Variants in COLGALT2 observed in about 807,000 individuals in gnomAD.
COLGALT2 encodes collagen beta(1-O)galactosyltransferase 2.
Under a neutral mutation model 73.4 loss-of-function variants are expected in COLGALT2, and 49 were observed. The observed-to-expected ratio is 0.67, with a 90% CI of 0.53 to 0.85. The LOEUF is 0.85. Among genes scored for constraint, COLGALT2 ranks in the 40% least tolerant of loss-of-function variants. The probability of loss-of-function intolerance (pLI) is 0.00; values close to 1 mark genes in which losing one functional copy is unlikely to be tolerated. For missense variants in COLGALT2, 722 were observed against 790.2 expected (o/e 0.91, Z 1.03); for synonymous variants, 295 against 307.6 (o/e 0.96, Z 0.43).
intron 9 of COLGALT2, among the ~76,000 whole-genome samples, chr1:183,945,198 C>T (rs1446528963): frequency 6.6e-6 from 1 of 152,124 alleles, no homozygotes; most frequent in Non-Finnish European, 1.5e-5. Flanking sequence ...AAGAGTGTGG[C>T]ACACAGGACA....
In COLGALT2 at chr1:183,936,138, C is replaced by T. The variant is rs1669946335; in HGVS notation, c.*2623G>A. On this transcript the variant is annotated 3_prime_UTR_variant, in exon 12 of 12. Transcript: ENST00000361927. ...AGAAATCCAGACAGGGTTTAGCCTCCAGAGGCAGAGAGCGGGTGCCAGGCC... is the reference window on the plus strand; with the variant it reads ...AGAAATCCAGACAGGGTTTAGCCTCTAGAGGCAGAGAGCGGGTGCCAGGCC... 2 of 985,662 alleles carry T rather than the reference C, an allele frequency of 2.0e-6. No homozygotes were observed. Among genetic ancestry groups the T allele is most frequent in the Middle Eastern group, 5.2e-4 (1 of 1,918 alleles). The allele number at this position is 985,662 out of a possible 1,614,324, so 61.1% of individuals were successfully genotyped here.
intron 2 of COLGALT2, among the ~76,000 whole-genome samples, chr1:183,977,193 C>T (rs1388581101): frequency 1.3e-5 from 2 of 151,950 alleles, no homozygotes; most frequent in Non-Finnish European, 2.9e-5. Context: ...CTATGGTGGC[C>T]GGGCACGGTG....
chr1:183,933,992 C>T (rs1669898052), downstream of COLGALT2, among the ~76,000 whole-genome samples: 1 of 152,152 alleles, frequency 6.6e-6, no homozygotes, highest in South Asian at 2.1e-4. Context: ...GTCACAGAGG[C>T]TACTGAACAA....
chr1:183,979,255 C>G (rs1361771380), intron 1 of COLGALT2, among the ~76,000 whole-genome samples: 1 of 151,890 alleles, frequency 6.6e-6, no homozygotes, highest in African/African-American at 2.4e-5. Context: ...CAAAGCAAAA[C>G]CCAACACATG....
intron 1 of COLGALT2, among the ~76,000 whole-genome samples, chr1:184,027,168 C>T (rs2102859300): frequency 6.6e-6 from 1 of 152,266 alleles, no homozygotes; most frequent in African/African-American, 2.4e-5. Context: ...CTGTACATTA[C>T]TACTTCTCTT....
intron 7 of COLGALT2, among the ~76,000 whole-genome samples, chr1:183,953,387 A>C (rs1670464387): frequency 6.6e-6 from 1 of 152,178 alleles, no homozygotes; most frequent in African/African-American, 2.4e-5. Flanking sequence ...GAAGGGCTCT[A>C]GGAGTGACCC....
At chr1:183,961,923 T>C (rs1428100451) in intron 6 of COLGALT2, among the ~76,000 whole-genome samples, 1 of 152,124 alleles carries the variant, frequency 6.6e-6, no homozygotes, top group African/African-American at 2.4e-5. Context: ...ACTGTCACAG[T>C]GAACCAGCTC....
chr1:184,005,317 G>A (rs560551819), intron 1 of COLGALT2, among the ~76,000 whole-genome samples: 22 of 152,316 alleles, frequency 1.4e-4, no homozygotes, highest in African/African-American at 5.3e-4. Flanking sequence ...CCTGGCAGAG[G>A]CTCCCTGACC....
chr1:183,958,613 A>T (rs1376669528), intron 6 of COLGALT2, among the ~76,000 whole-genome samples: 2 of 151,198 alleles, frequency 1.3e-5, no homozygotes, highest in Non-Finnish European at 2.9e-5. Context: ...AATTAGATCT[A>T]CCTTTTCAAT....
rs34480267 is a variant in COLGALT2, at chr1:184,000,146, C to T, written c.264-21626G>A. 2.6e-3 allele frequency among the ~76,000 whole-genome samples: 389 copies of T among 151,898 alleles called. 2 individuals carry two copies. Among genetic ancestry groups the T allele is most frequent in the Middle Eastern group, 0.02 (6 of 294 alleles). On this transcript the variant is annotated intron_variant, in intron 1 of 11. Transcript: ENST00000361927. The stretch of plus-strand genomic sequence containing the variant: ...TTTGAGTTATTTTGCTTTTGGTTTC[C>T]GTCTGGTTGTGATATATTCTGAGAA...
chr1:183,950,514 T>A (rs1670367957), intron 8 of COLGALT2, among the ~76,000 whole-genome samples: 1 of 151,020 alleles, frequency 6.6e-6, no homozygotes, highest in Non-Finnish European at 1.5e-5. Context: ...AGGTTCCCTG[T>A]GTTACTTTCC....
At chr1:183,948,764 A>G (rs1464347976) in intron 8 of COLGALT2, among the ~76,000 whole-genome samples, 1 of 152,210 alleles carries the variant, frequency 6.6e-6, no homozygotes, top group Admixed American at 6.5e-5. Context: ...CAGGTTTGAA[A>G]GGAACATATA....
intron 4 of COLGALT2, among the ~76,000 whole-genome samples, chr1:183,972,748 G>A (rs1280141988): frequency 6.6e-6 from 1 of 150,548 alleles, no homozygotes; most frequent in Non-Finnish European, 1.5e-5. Context: ...CACCCAGGCT[G>A]GAGCGCAGTG....
At chr1:183,967,562 T>C (rs1670913172) in intron 5 of COLGALT2, among the ~76,000 whole-genome samples, 1 of 152,220 alleles carries the variant, frequency 6.6e-6, no homozygotes, top group Non-Finnish European at 1.5e-5. Context: ...CCCATACCAA[T>C]ATCCAGGTAT....
In COLGALT2 at chr1:183,973,740, A is replaced by T; in HGVS notation, c.503T>A (p.Val168Asp). 6.2e-7 allele frequency: 1 copy of T among 1,613,582 alleles called. No homozygotes were observed. Among genetic ancestry groups the T allele is most frequent in the Non-Finnish European group, 8.5e-7 (1 of 1,179,712 alleles). ...KWSDYILFID[V>D]DNFLTNPQTL... ...CTGTGGATTAGTCAGGAAATTGTCA[A>T]CATCTATGAACTAGGAAAAGAAAAG... Residue 168 changes from valine to aspartate, a missense_variant, in exon 4 of 12, where the codon GTT becomes GAT. By Grantham distance (152) the Val-to-Asp change is radical. Coordinates refer to ENST00000361927, the MANE Select transcript of COLGALT2 (RefSeq NM_015101.4).
At chr1:184,000,813 T>G (rs576850327) in intron 1 of COLGALT2, among the ~76,000 whole-genome samples, 2 of 151,552 alleles carry the variant, frequency 1.3e-5, no homozygotes, top group East Asian at 4.0e-4. Context: ...GGACAGTGTA[T>G]TTCAGCCCCC....
At chr1:183,998,369 T>C (rs1671824562) in intron 1 of COLGALT2, among the ~76,000 whole-genome samples, 1 of 152,242 alleles carries the variant, frequency 6.6e-6, no homozygotes, top group Admixed American at 6.5e-5. Context: ...TTTTCTCTTT[T>C]ATTCATGAGT....
chr1:184,006,469 A>C (rs1296552885), intron 1 of COLGALT2, among the ~76,000 whole-genome samples: 1 of 152,080 alleles, frequency 6.6e-6, no homozygotes, highest in Non-Finnish European at 1.5e-5. Flanking sequence ...CTGTAATCCC[A>C]GCTACTTGGG....
At position 183,965,646 on chromosome 1, in the gene COLGALT2, G is replaced by A. The variant is rs533012958; in HGVS notation, c.833-1626C>T. 9.2e-5 allele frequency among the ~76,000 whole-genome samples: 14 copies of A among 152,286 alleles called. No homozygotes were observed. In the East Asian group the frequency reaches 9.6e-4, roughly 10 times the overall value. ...TATATTAGAAAGCTCCAGAACAGAC[G>A]TCTTCGCAAATATGCAAAAAAGGAC... On this transcript the variant is annotated intron_variant, in intron 5 of 11. Transcript: ENST00000361927.
Sources: allele counts gnomAD v4.1 joint callset (sites outside exome capture counted in the v4.1 genomes callset), GRCh38; gene constraint gnomAD v4.1.1; transcripts MANE v1.5; gene names NCBI Gene and HGNC (gene_info 2026-07-23, HGNC 2026-07-21).